The following YTHDF1 variants were observed in gnomAD, a reference collection of about 807,000 sequenced individuals.
The protein encoded by YTHDF1 is YTH domain-containing family protein 1.
A neutral mutation model predicts 49.1 loss-of-function variants in YTHDF1; 16 were observed. The ratio of observed to expected loss-of-function variants is 0.33; its 90% CI spans 0.22 to 0.49. YTHDF1 has a LOEUF of 0.49. YTHDF1 is among the 20% of genes least tolerant of loss of function. The probability of loss-of-function intolerance (pLI) is 0.99; values close to 1 mark genes in which losing one functional copy is unlikely to be tolerated. For synonymous variants in YTHDF1, 313 were observed against 290.1 expected (o/e 1.08, Z -0.80); for missense variants, 621 against 744.3 (o/e 0.83, Z 1.93).
rs769739642 is a variant in YTHDF1 at position 63,202,917 on chromosome 20, G to A, written c.1023C>T (p.Ser341=). The A allele has an allele frequency of 1.3e-5, 21 of 1,613,904 alleles. No individual in the cohort carries two copies. Among genetic ancestry groups the A allele is most frequent in the East Asian group, 4.5e-5 (2 of 44,896 alleles). ...AGTTGCTATCGCTGCCAGCCCCTCCGCTCTGCCCAAACGCCGCGTTTCTGT... is the reference window on the plus strand; with the variant it reads ...AGTTGCTATCGCTGCCAGCCCCTCCACTCTGCCCAAACGCCGCGTTTCTGT... ...PRNRNAAFGQ[S]GGAGSDSNSP... Residue 341 remains serine, a synonymous_variant, in exon 4 of 5, where the codon AGC becomes AGT. Coordinates refer to ENST00000370339, the MANE Select transcript of YTHDF1 (RefSeq NM_017798.4).
chr20:63,212,143 AC>A (rs2122991718), intron 3 of YTHDF1, among the ~76,000 whole-genome samples: 1 of 152,298 alleles, frequency 6.6e-6, no homozygotes, highest in Non-Finnish European at 1.5e-5. Context: ...TCCTGCCATT[AC>A]CTCTATCCAA....
chr20:63,208,676 T>C (rs1244738146), intron 3 of YTHDF1, among the ~76,000 whole-genome samples: 4 of 152,234 alleles, frequency 2.6e-5, no homozygotes, highest in Admixed American at 1.3e-4. Context: ...AAATGCCTAC[T>C]TAGCAGGCGC....
At chr20:63,215,543 C>T (rs1381985379) in intron 2 of YTHDF1, 34 bp downstream of exon 2, 1 of 1,613,638 alleles carries the variant, frequency 6.2e-7, no homozygotes, top group South Asian at 1.1e-5. Context: ...TCCTCCACTC[C>T]AGCCCGCGCC....
chr20:63,211,398 G>C (rs752315670), intron 3 of YTHDF1, among the ~76,000 whole-genome samples: 1 of 152,094 alleles, frequency 6.6e-6, no homozygotes, highest in Non-Finnish European at 1.5e-5. Flanking sequence ...CTGGGAAGTC[G>C]AGGCTGCAGT....
At chr20:63,199,422 G>C (rs1246675058) in intron 4 of YTHDF1, among the ~76,000 whole-genome samples, 1 of 151,984 alleles carries the variant, frequency 6.6e-6, no homozygotes, top group African/African-American at 2.4e-5. Flanking sequence ...GGGAGGCTGA[G>C]GCAGGAGAAT....
chr20:63,202,568 A>G lies in YTHDF1; in HGVS notation c.1372T>C (p.Tyr458His). ...GACCAGACCCCGGCACTGGTGCCGT[A>G]GTCCACGGGGGACTTCATCTCGGCC... ...GVAEMKSPVD[Y>H]GTSAGVWSQD... is the part of the protein sequence containing the mutation. Residue 458 changes from tyrosine to histidine, a missense_variant, in exon 4 of 5, where the codon TAC becomes CAC. This residue lies in a region of YTHDF1 where 151 missense variants were observed against 248.5 expected (regional missense o/e 0.61). Coordinates refer to ENST00000370339, the MANE Select transcript of YTHDF1 (RefSeq NM_017798.4). The G allele has an allele frequency of 6.2e-7, 1 of 1,614,254 alleles. No homozygotes were observed. Among genetic ancestry groups the G allele is most frequent in the African/African-American group, 1.3e-5 (1 of 75,080 alleles).
At position 63,202,267 on chromosome 20, in the gene YTHDF1, C is replaced by G; in HGVS notation, c.1653+20G>C. Reference sequence around the variant, plus strand: ...CAAGGACACATCTGCATGGCAGTTGCCTGCAACACCCAGCCTCACCTTGCG... The same window carrying G: ...CAAGGACACATCTGCATGGCAGTTGGCTGCAACACCCAGCCTCACCTTGCG... On this transcript the variant is annotated intron_variant, in intron 4 of 4. Transcript: ENST00000370339. 1 of 1,601,086 alleles carries G rather than the reference C, an allele frequency of 6.2e-7. No homozygotes were observed. The highest frequency in any genetic ancestry group is 8.5e-7 in the Non-Finnish European group (1 of 1,172,764).
intron 3 of YTHDF1, among the ~76,000 whole-genome samples, chr20:63,211,315 A>G: frequency 6.6e-6 from 1 of 152,142 alleles, no homozygotes; most frequent in East Asian, 1.9e-4. Flanking sequence ...AAATTTAAAA[A>G]TTAGCTGGGC....
chr20:63,207,330 G>A (rs1314549229), intron 3 of YTHDF1, among the ~76,000 whole-genome samples: 1 of 152,072 alleles, frequency 6.6e-6, no homozygotes, highest in Non-Finnish European at 1.5e-5. Context: ...TTAGCCGGGC[G>A]TGGTGGTGGG....
Position 63,196,531 on chromosome 20 carries a change from A to C in YTHDF1, c.*177T>G. On this transcript the variant is annotated 3_prime_UTR_variant, in exon 5 of 5. Coordinates refer to ENST00000370339, the MANE Select transcript of YTHDF1 (RefSeq NM_017798.4). ...TATTAGTGACTTCTACAGGATTATA[A>C]TACATAGAAAAAGTACAAATAAATG... 1 of 665,782 alleles carries C rather than the reference A, an allele frequency of 1.5e-6. No individual in the cohort carries two copies. Among genetic ancestry groups the C allele is most frequent in the Non-Finnish European group, 2.6e-6 (1 of 389,128 alleles). The allele number at this position is 665,782 out of a possible 1,614,324, so 41.2% of individuals were successfully genotyped here. A position where few individuals can be genotyped will look rare whatever the true frequency, so the allele number is the denominator to read the frequency against.
intron 2 of YTHDF1, 132 bp from the exon 3 acceptor site, chr20:63,214,075 A>C (rs1023583034): frequency 2.1e-6 from 3 of 1,427,296 alleles, no homozygotes; most frequent in Admixed American, 3.2e-5. Context: ...AAAGGAGTAC[A>C]ACCAGTATAG....
rs148750126 is a variant in YTHDF1 at position 63,202,512 on chromosome 20, G to A, written c.1428C>T (p.Val476=). The change falls in exon 4 of 5, where the codon GTC becomes GTT. Residue 476 remains valine, a synonymous_variant. Transcript: ENST00000370339. ...SQDKWKGKFD[V]QWIFVKDVPN... is the part of the protein sequence containing the mutation. ...GTACATCCTTAACAAAAATCCACTG[G>A]ACATCAAACTTCCCCTTCCACTTGT... The A allele has an allele frequency of 6.1e-5, 98 of 1,614,194 alleles. No homozygotes were observed. The highest frequency in any genetic ancestry group is 3.0e-4 in the Admixed American group (18 of 60,028).
chr20:63,196,616 G>A lies in YTHDF1; in HGVS notation c.*92C>T, dbSNP rs183864484. The stretch of plus-strand genomic sequence containing the variant: ...GGCAAAGATGCAACACTCAACCCCC[G>A]CACGGGACGACACACTGGAGCTGAC... On this transcript the variant is annotated 3_prime_UTR_variant, in exon 5 of 5. Transcript: ENST00000370339. 84 of 1,484,544 alleles carry A rather than the reference G, an allele frequency of 5.7e-5. No individual in the cohort carries two copies. The highest frequency in any genetic ancestry group is 1.8e-4 in the Middle Eastern group (1 of 5,578). 92.0% of individuals were successfully genotyped at this position (1,484,544 alleles called of 1,614,324 possible). A position where few individuals can be genotyped will look rare whatever the true frequency, so the allele number is the denominator to read the frequency against.
intron 4 of YTHDF1, 86 bp downstream of exon 4, chr20:63,202,201 G>GC: frequency 6.7e-7 from 1 of 1,500,154 alleles, no homozygotes; most frequent in South Asian, 1.3e-5. Flanking sequence ...CGGACCTGCC[G>GC]CATCTGCTCA....
At chr20:63,208,217 C>T (rs1356828224) in intron 3 of YTHDF1, among the ~76,000 whole-genome samples, 2 of 152,014 alleles carry the variant, frequency 1.3e-5, no homozygotes, top group Non-Finnish European at 2.9e-5. Context: ...TTCAGAAGCC[C>T]AAGAGGAACA....
chr20:63,199,859 G>A lies in YTHDF1; in HGVS notation c.1653+2428C>T, dbSNP rs2066509700. Among the ~76,000 whole-genome samples the A allele has an allele frequency of 3.9e-5, 6 of 152,100 alleles. 2 individuals carry two copies. In the South Asian group the frequency reaches 1.2e-3, roughly 32 times the overall value. On this transcript the variant is annotated intron_variant, in intron 4 of 4. Transcript: ENST00000370339. Reference sequence around the variant, plus strand: ...AGACTGTTTGAGCCCAGGAGTTCAAGACCAGCCTGGGCAACATAGCAAGAC... The same window carrying A: ...AGACTGTTTGAGCCCAGGAGTTCAAAACCAGCCTGGGCAACATAGCAAGAC...
chr20:63,204,339 T>C (rs1480125202), intron 3 of YTHDF1, among the ~76,000 whole-genome samples: 2 of 152,184 alleles, frequency 1.3e-5, no homozygotes, highest in South Asian at 2.1e-4. Flanking sequence ...GGCCTTGACA[T>C]TCCTCCTGGG....
chr20:63,196,386 A>G lies in YTHDF1; in HGVS notation c.*322T>C. ...GATGAGAAATATGAAGTCTCACAGAATATCAAATGACTGAATTTAAGAACA... is the reference window on the plus strand; with the variant it reads ...GATGAGAAATATGAAGTCTCACAGAGTATCAAATGACTGAATTTAAGAACA... On this transcript the variant is annotated 3_prime_UTR_variant, in exon 5 of 5. Coordinates refer to ENST00000370339, the MANE Select transcript of YTHDF1 (RefSeq NM_017798.4). The G allele has an allele frequency of 4.4e-6, 1 of 227,924 alleles. No individual in the cohort carries two copies. The allele number at this position is 227,924 out of a possible 1,614,324, so 14.1% of individuals were successfully genotyped here.
At chr20:63,206,399 T>C (rs1431556077) in intron 3 of YTHDF1, among the ~76,000 whole-genome samples, 1 of 152,234 alleles carries the variant, frequency 6.6e-6, no homozygotes, top group Non-Finnish European at 1.5e-5. Flanking sequence ...ATGAGGCATG[T>C]AACATTCCTG....
Sources: allele counts gnomAD v4.1 joint callset (sites outside exome capture counted in the v4.1 genomes callset), GRCh38; gene constraint gnomAD v4.1.1; regional missense constraint gnomAD v4.1.1; transcripts MANE v1.5; gene names NCBI Gene and HGNC (gene_info 2026-07-23, HGNC 2026-07-21).